Variants in ODF2L observed in about 807,000 individuals in gnomAD.
ODF2L encodes outer dense fiber of sperm tails 2 like, also known as protein BCAP.
A neutral mutation model predicts 86.3 loss-of-function variants in ODF2L; 76 were observed. The observed-to-expected ratio is 0.88, with a 90% CI of 0.73 to 1.07. The LOEUF (loss-of-function observed/expected upper bound fraction) is 1.07. Ranked by LOEUF, ODF2L falls within the 50% of genes least tolerant of loss-of-function variation. ODF2L has a pLI of 0.00. For missense variants in ODF2L, 748 were observed against 717.4 expected (o/e 1.04, Z -0.49); for synonymous variants, 241 against 231.3 (o/e 1.04, Z -0.38).
intron 4 of ODF2L, among the ~76,000 whole-genome samples, chr1:86,383,741 G>A (rs890078415): frequency 3.3e-5 from 5 of 151,594 alleles, no homozygotes; most frequent in Non-Finnish European, 7.4e-5. Context: ...ATGCAAAATT[G>A]TACACGGAAT....
chr1:86,392,617 T>A (rs562890553), intron 1 of ODF2L, among the ~76,000 whole-genome samples: 101 of 152,146 alleles, frequency 6.6e-4, no homozygotes, highest in African/African-American at 2.4e-3. Flanking sequence ...GCTATGAGGA[T>A]GCAAAGGGGT....
chr1:86,383,087 A>G lies in ODF2L; in HGVS notation c.435+47T>C, dbSNP rs753573875. On this transcript the variant is annotated intron_variant, in intron 5 of 17. Transcript: ENST00000317336. Reference sequence around the variant, plus strand: ...TTATAAAACCAAGCAGCATGCAAATAACAATGACAGGAAGAATGGACACAA... The same window carrying G: ...TTATAAAACCAAGCAGCATGCAAATGACAATGACAGGAAGAATGGACACAA... The G allele has an allele frequency of 9.7e-6, 13 of 1,344,430 alleles. No homozygotes were observed. The East Asian group carries it at 2.8e-4, about 29-fold the overall frequency. 83.3% of individuals were successfully genotyped at this position (1,344,430 alleles called of 1,614,324 possible).
intron 11 of ODF2L, among the ~76,000 whole-genome samples, chr1:86,361,395 C>T (rs1195825034): frequency 6.6e-6 from 1 of 152,200 alleles, no homozygotes; most frequent in Non-Finnish European, 1.5e-5. Context: ...AGGCAGTGAG[C>T]ATGCCTACCC....
chr1:86,358,894 G>GA lies in ODF2L; in HGVS notation c.1255-4dup. The GA allele has an allele frequency of 7.2e-7, 1 of 1,385,164 alleles. No individual in the cohort carries two copies. The highest frequency in any genetic ancestry group is 1.5e-5 in the African/African-American group (1 of 67,934). The allele number at this position is 1,385,164 out of a possible 1,614,324, so 85.8% of individuals were successfully genotyped here. A position where few individuals can be genotyped will look rare whatever the true frequency, so the allele number is the denominator to read the frequency against. ...GCTGCTTCTTGCAACTTTTGTACCTGAAAATAAAGTATTAGAGAAACATAT... is the reference window on the plus strand; with the variant it reads ...GCTGCTTCTTGCAACTTTTGTACCTGAAAAATAAAGTATTAGAGAAACATAT... On this transcript the variant is annotated splice_region_variant and splice_polypyrimidine_tract_variant and intron_variant, in intron 12 of 17. Transcript: ENST00000317336.
At chr1:86,389,458 C>A (rs1240260622) in intron 1 of ODF2L, among the ~76,000 whole-genome samples, 1 of 149,580 alleles carries the variant, frequency 6.7e-6, no homozygotes, top group Non-Finnish European at 1.5e-5. Context: ...CACAAACAGA[C>A]AATGTAAGGT....
At chr1:86,381,425 T>C (rs1045239844) in intron 7 of ODF2L, among the ~76,000 whole-genome samples, 12 of 152,036 alleles carry the variant, frequency 7.9e-5, no homozygotes, top group African/African-American at 2.9e-4. Flanking sequence ...ATTATGTCCC[T>C]TTAAAGGAAC....
intron 8 of ODF2L, 123 bp downstream of exon 8, chr1:86,376,109 GT>G (rs1230028490): frequency 2.0e-6 from 1 of 491,632 alleles, no homozygotes; most frequent in African/African-American, 2.0e-5. Context: ...AAAAGTGTAA[GT>G]TTTTTCTGGT....
intron 1 of ODF2L, among the ~76,000 whole-genome samples, chr1:86,395,340 G>C (rs1188549644): frequency 6.6e-6 from 1 of 152,000 alleles, no homozygotes; most frequent in African/African-American, 2.4e-5. Context: ...CCTACATTCG[G>C]TGCCACCTTA....
At chr1:86,385,322 G>T (rs1660869026) in intron 3 of ODF2L, 136 bp downstream of exon 3, 1 of 546,390 alleles carries the variant, frequency 1.8e-6, no homozygotes, top group Non-Finnish European at 3.2e-6. Flanking sequence ...CAGGAATAAA[G>T]AATTCTGATA....
intron 13 of ODF2L, chr1:86,358,186 G>GACT: frequency 1.7e-6 from 1 of 575,278 alleles, no homozygotes; most frequent in Non-Finnish European, 2.2e-6. Context: ...GACCTCTGCT[G>GACT]CCAGGAGTCA....
chr1:86,384,753 A>G, exon 4 of ODF2L: 1 of 1,529,360 alleles, frequency 6.5e-7, no homozygotes, highest in Non-Finnish European at 8.8e-7. Context: ...TCTTTTATTA[A>G]TATTTCCTTC....
chr1:86,379,367 A>T (rs954361205), intron 7 of ODF2L, among the ~76,000 whole-genome samples: 1 of 152,226 alleles, frequency 6.6e-6, no homozygotes, highest in Non-Finnish European at 1.5e-5. Context: ...TAATGCTACC[A>T]TTATCAAAGA....
chr1:86,366,286 G>A (rs1368667800), intron 11 of ODF2L, among the ~76,000 whole-genome samples: 1 of 151,754 alleles, frequency 6.6e-6, no homozygotes. Flanking sequence ...GGGCACAGTG[G>A]CTCACACCTG....
At chr1:86,348,768 A>T, downstream of ODF2L, 1 of 1,517,756 alleles carries the variant, frequency 6.6e-7, no homozygotes, top group Non-Finnish European at 8.8e-7. Flanking sequence ...ACATTGTTAC[A>T]TAAGAAGTTT....
chr1:86,380,490 G>A (rs1316976451), intron 7 of ODF2L, among the ~76,000 whole-genome samples: 1 of 152,036 alleles, frequency 6.6e-6, no homozygotes, highest in African/African-American at 2.4e-5. Context: ...ATGAATAGTT[G>A]CTTTCTTAGG....
At chr1:86,362,399 T>A (rs1248607575) in intron 11 of ODF2L, among the ~76,000 whole-genome samples, 1 of 151,874 alleles carries the variant, frequency 6.6e-6, no homozygotes, top group Non-Finnish European at 1.5e-5. Flanking sequence ...GCCCAAGCGA[T>A]CCTCCCACCT....
intron 11 of ODF2L, among the ~76,000 whole-genome samples, chr1:86,361,992 C>T (rs952908272): frequency 6.6e-6 from 1 of 152,040 alleles, no homozygotes; most frequent in African/African-American, 2.4e-5. Flanking sequence ...GACATGTGGG[C>T]GAAGGCCTCC....
chr1:86,361,561 G>A lies in ODF2L; in HGVS notation c.1144-1025C>T, dbSNP rs76263969. ...AAGCCATTTAAAAAAATGTGTGTGC[G>A]TGTATCTCTCTCCAAAATTTCACAG... On this transcript the variant is annotated intron_variant, in intron 11 of 17. Coordinates refer to ENST00000317336, the Ensembl canonical transcript of ODF2L. 9.6e-3 allele frequency among the ~76,000 whole-genome samples: 1,462 copies of A among 152,254 alleles called. 19 individuals carry two copies. The highest frequency in any genetic ancestry group is 0.033 in the African/African-American group (1,379 of 41,548).
intron 6 of ODF2L, among the ~76,000 whole-genome samples, chr1:86,382,659 T>C (rs923006736): frequency 2.0e-5 from 3 of 151,974 alleles, no homozygotes; most frequent in Non-Finnish European, 4.4e-5. Flanking sequence ...CCTTAATTTG[T>C]TCCCCAACTG....
Sources: allele counts gnomAD v4.1 joint callset (sites outside exome capture counted in the v4.1 genomes callset), GRCh38; gene constraint gnomAD v4.1.1; transcripts MANE v1.5; gene names NCBI Gene and HGNC (gene_info 2026-07-23, HGNC 2026-07-21).